The following NIM1K variants were observed in gnomAD, a reference collection of about 807,000 sequenced individuals.
The protein encoded by NIM1K is serine/threonine-protein kinase NIM1.
Under a neutral mutation model 37.1 loss-of-function variants are expected in NIM1K, and 35 were observed. The ratio of observed to expected loss-of-function variants is 0.94; its 90% CI spans 0.72 to 1.25. The LOEUF is 1.25. Among genes scored for constraint, NIM1K ranks in the 50% most tolerant of loss-of-function variants. The probability of loss-of-function intolerance (pLI) is 0.00; values close to 1 mark genes in which losing one functional copy is unlikely to be tolerated. For synonymous variants in NIM1K, 234 were observed against 206.6 expected, an observed-to-expected ratio of 1.13 and a Z score of -1.14; for missense variants, 564 against 548.0, an observed-to-expected ratio of 1.03 and a Z score of -0.29.
intron 1 of NIM1K, among the ~76,000 whole-genome samples, chr5:43,218,585 C>T (rs1010475967): frequency 3.3e-4 from 50 of 152,070 alleles, no homozygotes; most frequent in Admixed American, 2.7e-3. Flanking sequence ...ACCAGCAATC[C>T]GTGAACTAAC....
intron 1 of NIM1K, among the ~76,000 whole-genome samples, chr5:43,197,217 C>T (rs1476961831): frequency 2.0e-5 from 3 of 152,172 alleles, no homozygotes; most frequent in Non-Finnish European, 2.9e-5. Context: ...CAGCCTAGAA[C>T]TTCTGGGCAC....
In NIM1K at chr5:43,245,683, T is replaced by C; in HGVS notation, c.-93T>C. On this transcript the variant is annotated 5_prime_UTR_variant, in exon 2 of 4. Coordinates refer to ENST00000326035, the MANE Select transcript of NIM1K (RefSeq NM_153361.4). ...ACTCTTTTGAACCCTGGGCACCTGCTGTCCTCAGTTGGCATCTCCCACCCT... is the reference window on the plus strand; with the variant it reads ...ACTCTTTTGAACCCTGGGCACCTGCCGTCCTCAGTTGGCATCTCCCACCCT... 1 of 1,232,802 alleles carries C rather than the reference T, an allele frequency of 8.1e-7. No individual in the cohort carries two copies. The highest frequency in any genetic ancestry group is 2.4e-5 in the East Asian group (1 of 41,296). 76.4% of individuals were successfully genotyped at this position (1,232,802 alleles called of 1,614,324 possible). A position where few individuals can be genotyped will look rare whatever the true frequency, so the allele number is the denominator to read the frequency against.
At chr5:43,261,437 C>T (rs922019873) in intron 2 of NIM1K, among the ~76,000 whole-genome samples, 12 of 152,068 alleles carry the variant, frequency 7.9e-5, no homozygotes, top group Non-Finnish European at 4.4e-5. Context: ...TATCCTTTGC[C>T]CACTTTTTGA....
intron 2 of NIM1K, among the ~76,000 whole-genome samples, chr5:43,269,707 C>G (rs1281551009): frequency 1.3e-5 from 2 of 152,082 alleles, no homozygotes; most frequent in Non-Finnish European, 2.9e-5. Context: ...CAAGCTCCGC[C>G]TCCTGGGTTC....
Position 43,219,362 on chromosome 5 carries a change from G to A in NIM1K, c.-694-25720G>A, listed in dbSNP as rs1752350664. On this transcript the variant is annotated intron_variant, in intron 1 of 3. Transcript: ENST00000326035. ...TCAGGTATGTCTTTATTAGCAGCAT[G>A]AGAAAGGACTAATACAAGGCATGAA... Among the ~76,000 whole-genome samples, 3 of 152,202 alleles carry A rather than the reference G, an allele frequency of 2.0e-5. No individual in the cohort carries two copies. In the South Asian group the frequency reaches 6.2e-4, roughly 32 times the overall value.
intron 2 of NIM1K, 52 bp from the exon 3 acceptor site, chr5:43,277,005 C>T (rs1753351438): frequency 1.9e-6 from 3 of 1,585,712 alleles, no homozygotes; most frequent in Non-Finnish European, 2.6e-6. Flanking sequence ...CTCTCCAGTT[C>T]TAACTATGCT....
At chr5:43,279,313 C>G (rs893669700) in intron 3 of NIM1K, among the ~76,000 whole-genome samples, 4 of 152,138 alleles carry the variant, frequency 2.6e-5, no homozygotes, top group African/African-American at 9.7e-5. Context: ...CTAGAATTGA[C>G]CAGACTGTCC....
intron 2 of NIM1K, among the ~76,000 whole-genome samples, chr5:43,261,429 T>A (rs1753028756): frequency 6.6e-6 from 1 of 152,256 alleles, no homozygotes; most frequent in Non-Finnish European, 1.5e-5. Flanking sequence ...TCTGTTTATA[T>A]CCTTTGCCCA....
intron 2 of NIM1K, among the ~76,000 whole-genome samples, chr5:43,261,521 G>A (rs1422093554): frequency 3.3e-5 from 5 of 151,954 alleles, no homozygotes; most frequent in Admixed American, 2.0e-4. Context: ...CCTTTGTCAG[G>A]TGGGTAGATT....
intron 1 of NIM1K, among the ~76,000 whole-genome samples, chr5:43,210,591 C>T (rs75419313): frequency 0.023 from 3,523 of 152,056 alleles, 143 homozygotes; most frequent in East Asian, 0.16. Context: ...GGAGGTTCAG[C>T]GGGGTATGGG....
intron 2 of NIM1K, among the ~76,000 whole-genome samples, chr5:43,274,129 T>C (rs1753301874): frequency 6.6e-6 from 1 of 152,166 alleles, no homozygotes; most frequent in Non-Finnish European, 1.5e-5. Context: ...TTGAGGCACC[T>C]AGGGCAGAGG....
chr5:43,260,759 C>A (rs182014211), intron 2 of NIM1K, among the ~76,000 whole-genome samples: 3 of 152,228 alleles, frequency 2.0e-5, no homozygotes, highest in African/African-American at 4.8e-5. Flanking sequence ...ATCCCTCCCC[C>A]CTTCCCCCAC....
chr5:43,278,168 C>T (rs923975229), intron 3 of NIM1K, among the ~76,000 whole-genome samples: 5 of 151,968 alleles, frequency 3.3e-5, no homozygotes, highest in African/African-American at 9.7e-5. Flanking sequence ...GCCTCAGCCT[C>T]CCAAGTAGCT....
At chr5:43,202,305 T>C (rs1310880489) in intron 1 of NIM1K, among the ~76,000 whole-genome samples, 1 of 152,148 alleles carries the variant, frequency 6.6e-6, no homozygotes, top group African/African-American at 2.4e-5. Context: ...CTCCTCAGCC[T>C]CCCAAAGTGC....
chr5:43,241,344 T>A (rs115530934), intron 1 of NIM1K, among the ~76,000 whole-genome samples: 64,553 of 149,996 alleles, frequency 0.43, 14,869 homozygotes, highest in Non-Finnish European at 0.5. Context: ...TTTTTTTTTT[T>A]TTTTGAGACG....
intron 1 of NIM1K, among the ~76,000 whole-genome samples, chr5:43,198,205 T>TTCTC (rs150045459): frequency 7.3e-5 from 3 of 40,902 alleles, no homozygotes; most frequent in Admixed American, 2.6e-4. Context: ...CTTTCTTTCT[T>TTCTC]TCTCTTTCTT....
intron 2 of NIM1K, among the ~76,000 whole-genome samples, chr5:43,261,050 G>GAAT (rs1361700638): frequency 6.6e-6 from 1 of 152,158 alleles, no homozygotes; most frequent in African/African-American, 2.4e-5. Context: ...TTGCTATTGT[G>GAAT]AATAGTGCCA....
chr5:43,200,172 C>G (rs977641127), intron 1 of NIM1K, among the ~76,000 whole-genome samples: 1 of 152,136 alleles, frequency 6.6e-6, no homozygotes, highest in Non-Finnish European at 1.5e-5. Context: ...TGCACCCGGC[C>G]GTCCTAGTGC....
chr5:43,241,074 A>G (rs1752695560), intron 1 of NIM1K, among the ~76,000 whole-genome samples: 1 of 152,062 alleles, frequency 6.6e-6, no homozygotes, highest in Non-Finnish European at 1.5e-5. Context: ...TTTATACTTC[A>G]GTAACAATGA....
Sources: allele counts gnomAD v4.1 joint callset (sites outside exome capture counted in the v4.1 genomes callset), GRCh38; gene constraint gnomAD v4.1.1; transcripts MANE v1.5; gene names NCBI Gene and HGNC (gene_info 2026-07-23, HGNC 2026-07-21).